Variants in DPP10 observed in about 807,000 individuals in gnomAD.
DPP10 encodes the protein dipeptidyl peptidase like 10, also known as inactive dipeptidyl peptidase 10.
DPP10 carries 33 observed loss-of-function variants against 120.9 expected under a neutral mutation model. The ratio of observed to expected loss-of-function variants is 0.27; its 90% confidence interval spans 0.21 to 0.37. DPP10 has a LOEUF of 0.37. Among genes scored for constraint, DPP10 ranks in the 10% least tolerant of loss-of-function variants. The pLI is 1.00. For synonymous variants in DPP10, 337 were observed against 326.1 expected, an observed-to-expected ratio of 1.03 and a Z score of -0.36; for missense variants, 816 against 942.8, an observed-to-expected ratio of 0.87 and a Z score of 1.76.
At chr2:114,863,210 A>G (rs1176463960) in intron 1 of DPP10, among the ~76,000 whole-genome samples, 1 of 152,218 alleles carries the variant, frequency 6.6e-6, no homozygotes, top group East Asian at 1.9e-4. Flanking sequence ...AACTCTCAAG[A>G]TAATTGACCA....
chr2:114,550,197 A>G (rs545575314), intron 1 of DPP10, among the ~76,000 whole-genome samples: 60 of 152,212 alleles, frequency 3.9e-4, no homozygotes, highest in African/African-American at 1.3e-3. Flanking sequence ...TGTTCTTGCT[A>G]TATTTCCTCA....
At chr2:115,697,698 CAGTA>C (rs1371713543) in intron 7 of DPP10, among the ~76,000 whole-genome samples, 3 of 151,958 alleles carry the variant, frequency 2.0e-5, no homozygotes, top group African/African-American at 7.3e-5. Flanking sequence ...TTAAAAAACA[CAGTA>C]AGGCCAGGTG....
At position 115,335,249 on chromosome 2, in the gene DPP10, G is replaced by A. The variant is rs531154630; in HGVS notation, c.176-8568G>A. On this transcript the variant is annotated intron_variant, in intron 2 of 25. Transcript: ENST00000410059. ...ACTGGGTTCTTCTCATGACATGTGG[G>A]AATTGTGGGAGTTACAATTGAAAAT... Among the ~76,000 whole-genome samples, 9 of 152,098 alleles carry A rather than the reference G, an allele frequency of 5.9e-5. No individual in the cohort carries two copies. The East Asian group carries it at 1.6e-3, about 26-fold the overall frequency.
chr2:114,858,464 G>T (rs115138152), intron 1 of DPP10, among the ~76,000 whole-genome samples: 2,390 of 152,298 alleles, frequency 0.016, 76 homozygotes, highest in African/African-American at 0.054. Flanking sequence ...AATTCAACAT[G>T]ATCTGTCAAA....
At chr2:115,024,617 C>G (rs1703322791) in intron 1 of DPP10, among the ~76,000 whole-genome samples, 1 of 150,188 alleles carries the variant, frequency 6.7e-6, no homozygotes, top group South Asian at 2.1e-4. Context: ...ATATACATAA[C>G]CTTAAATGTA....
rs530073044 is a variant in DPP10, at chr2:114,738,535, G to A, written c.60+295697G>A. ...CAGAGTGGCTCAAAGGGGAGCACTA[G>A]CCTGTGTGGGGAGCACTAGCCTGTG... On this transcript the variant is annotated intron_variant, in intron 1 of 25. Transcript: ENST00000410059. 3.0e-4 allele frequency among the ~76,000 whole-genome samples: 45 copies of A among 152,076 alleles called. No individual in the cohort carries two copies. The South Asian group carries it at 5.0e-3, about 17-fold the overall frequency.
intron 1 of DPP10, among the ~76,000 whole-genome samples, chr2:114,695,816 A>G (rs975780081): frequency 6.6e-6 from 1 of 152,112 alleles, no homozygotes; most frequent in Non-Finnish European, 1.5e-5. Context: ...TTATCAACTG[A>G]ACCTATGCTG....
chr2:115,314,050 A>G (rs1370507562), intron 2 of DPP10, among the ~76,000 whole-genome samples: 4 of 152,200 alleles, frequency 2.6e-5, no homozygotes, highest in African/African-American at 7.2e-5. Context: ...CTACTTTGCA[A>G]TCTTGTTTTT....
intron 3 of DPP10, among the ~76,000 whole-genome samples, chr2:115,401,313 C>A (rs1210173600): frequency 6.6e-6 from 1 of 152,186 alleles, no homozygotes; most frequent in Non-Finnish European, 1.5e-5. Flanking sequence ...GAGGGCCAGG[C>A]TCATTCCTAT....
intron 3 of DPP10, among the ~76,000 whole-genome samples, chr2:115,420,497 G>A (rs1377584471): frequency 6.7e-6 from 1 of 149,656 alleles, no homozygotes; most frequent in Non-Finnish European, 1.5e-5. Context: ...GCTGGATTGT[G>A]TCAAACAGTT....
intron 3 of DPP10, among the ~76,000 whole-genome samples, chr2:115,412,063 A>C (rs1410872326): frequency 6.6e-6 from 1 of 152,228 alleles, no homozygotes; most frequent in Non-Finnish European, 1.5e-5. Context: ...GCATGGTGCT[A>C]GGTTTTAAAG....
chr2:115,178,548 G>A (rs568203402), intron 1 of DPP10, among the ~76,000 whole-genome samples: 5 of 152,110 alleles, frequency 3.3e-5, no homozygotes, highest in Admixed American at 1.3e-4. Flanking sequence ...CAAATCATTG[G>A]CCTCTATTTA....
At chr2:115,327,287 T>C (rs1017019216) in intron 2 of DPP10, among the ~76,000 whole-genome samples, 2 of 152,030 alleles carry the variant, frequency 1.3e-5, no homozygotes, top group African/African-American at 4.8e-5. Context: ...TGCACAACCA[T>C]GAAGTTGCCT....
At chr2:115,481,944 T>A (rs2075456323) in intron 3 of DPP10, among the ~76,000 whole-genome samples, 1 of 152,050 alleles carries the variant, frequency 6.6e-6, no homozygotes, top group Non-Finnish European at 1.5e-5. Context: ...GGATTACACA[T>A]AGCAACTATA....
At chr2:115,037,211 T>A (rs1704282264) in intron 1 of DPP10, among the ~76,000 whole-genome samples, 1 of 152,160 alleles carries the variant, frequency 6.6e-6, no homozygotes, top group Non-Finnish European at 1.5e-5. Flanking sequence ...AGTTACTACT[T>A]CCTAAATACT....
intron 1 of DPP10, among the ~76,000 whole-genome samples, chr2:115,279,582 A>G (rs1476716370): frequency 1.3e-5 from 2 of 151,088 alleles, no homozygotes; most frequent in Admixed American, 6.6e-5. Context: ...GTCATCAGAC[A>G]CCAGAATTTT....
chr2:115,379,070 A>T (rs2066059856), intron 3 of DPP10, among the ~76,000 whole-genome samples: 1 of 152,326 alleles, frequency 6.6e-6, no homozygotes, highest in South Asian at 2.1e-4. Flanking sequence ...GCCTCATAAA[A>T]TGAGTTAGGG....
chr2:114,879,373 C>T (rs890034265), intron 1 of DPP10, among the ~76,000 whole-genome samples: 4 of 152,048 alleles, frequency 2.6e-5, no homozygotes, highest in African/African-American at 9.7e-5. Flanking sequence ...TCATGAATAT[C>T]CTAATTTCCC....
At chr2:115,004,058 C>T (rs1158877193) in intron 1 of DPP10, among the ~76,000 whole-genome samples, 1 of 152,148 alleles carries the variant, frequency 6.6e-6, no homozygotes, top group Non-Finnish European at 1.5e-5. Flanking sequence ...TGAAACTGCA[C>T]TTCGTATCGA....
Sources: allele counts gnomAD v4.1 joint callset (sites outside exome capture counted in the v4.1 genomes callset), GRCh38; gene constraint gnomAD v4.1.1; transcripts MANE v1.5; gene names NCBI Gene and HGNC (gene_info 2026-07-23, HGNC 2026-07-21).